PLEKHG7: variants seen among roughly 807,000 people sequenced by gnomAD.
The protein encoded by PLEKHG7 is pleckstrin homology domain-containing family G member 7.
Under a neutral mutation model 85.2 loss-of-function variants are expected in PLEKHG7, and 77 were observed. That is an observed-to-expected ratio of 0.90 (90% CI 0.75 to 1.09). The LOEUF (loss-of-function observed/expected upper bound fraction) is 1.09. PLEKHG7 is among the 50% of genes least tolerant of loss of function. The pLI, the probability that PLEKHG7 is intolerant of heterozygous loss-of-function variation, is 0.00. For synonymous variants in PLEKHG7, 301 were observed against 302.4 expected (o/e 1.00, Z 0.05); for missense variants, 777 against 804.3 (o/e 0.97, Z 0.41).
rs774960944 is a variant in PLEKHG7, at chr12:92,740,928, A to T, written c.1015A>T (p.Asn339Tyr). Residue 339 changes from asparagine to tyrosine, a missense_variant, in exon 8 of 17, where the codon AAC (asparagine) becomes TAC (tyrosine). Asn to Tyr is a moderately radical substitution (Grantham distance 143). Transcript: ENST00000344636. ...TGTGGATTTATGGAGACTTTTTGCA[A>T]ACCTGGAGGAGTTAACTCAGGTGAG... ...LDVDLWRLFA[N>Y]LEELTQTSLG... 3 of 1,611,024 alleles carry T rather than the reference A, an allele frequency of 1.9e-6. No homozygotes were observed. The highest frequency in any genetic ancestry group is 1.7e-5 in the Admixed American group (1 of 59,984).
rs748690347 is a variant in PLEKHG7, at chr12:92,768,209, GA to G, written c.1871-761del. On this transcript the variant is annotated intron_variant, in intron 15 of 16. Coordinates refer to ENST00000344636, the MANE Select transcript of PLEKHG7 (RefSeq NM_001377329.1). ...GCGACAGTGAGAGACTTCGTCTCAAGAAAAAAAAAAAAAGAGAGAAAAAAGA... is the reference window on the plus strand; with the variant it reads ...GCGACAGTGAGAGACTTCGTCTCAAGAAAAAAAAAAAAGAGAGAAAAAAGA... Among the ~76,000 whole-genome samples, 453 of 126,464 alleles carry G rather than the reference GA, an allele frequency of 3.6e-3. 1 individual carries two copies. The highest frequency in any genetic ancestry group is 8.8e-3 in the African/African-American group (302 of 34,348). 83.0% of individuals were successfully genotyped at this position (126,464 alleles called of 152,430 possible). A position where few individuals can be genotyped will look rare whatever the true frequency, so the allele number is the denominator to read the frequency against.
At chr12:92,737,654 A>G in intron 7 of PLEKHG7, 133 bp downstream of exon 7, 1 of 918,004 alleles carries the variant, frequency 1.1e-6, no homozygotes. Context: ...GACAAAGAGA[A>G]AGAAAGGAAG....
Position 92,751,069 on chromosome 12 carries a change from A to G in PLEKHG7, c.1252-3021A>G, listed in dbSNP as rs1872679014. On this transcript the variant is annotated intron_variant, in intron 10 of 16. Coordinates refer to ENST00000344636, the MANE Select transcript of PLEKHG7 (RefSeq NM_001377329.1). The stretch of plus-strand genomic sequence containing the variant: ...GTGGTATGAAGGGTAAATTTATCCC[A>G]CTGCATTTATAGGTCGATTTCAGGC... Among the ~76,000 whole-genome samples, 3 of 152,248 alleles carry G rather than the reference A, an allele frequency of 2.0e-5. No individual in the cohort carries two copies. In the South Asian group the frequency reaches 6.2e-4, roughly 32 times the overall value.
At chr12:92,722,325 G>A (rs577476779) in intron 3 of PLEKHG7, among the ~76,000 whole-genome samples, 1 of 152,276 alleles carries the variant, frequency 6.6e-6, no homozygotes, top group East Asian at 1.9e-4. Context: ...GTCTCTTCAT[G>A]TTACTGGTGC....
chr12:92,754,286 G>A (rs768406286), intron 11 of PLEKHG7, 22 bp downstream of exon 11: 7 of 1,608,664 alleles, frequency 4.4e-6, no homozygotes, highest in Non-Finnish European at 6.0e-6. Context: ...AGATAAGTGA[G>A]CTTAATTACA....
chr12:92,706,797 A>C lies in PLEKHG7; in HGVS notation c.166A>C (p.Thr56Pro). 6.2e-7 allele frequency: 1 copy of C among 1,613,914 alleles called. No homozygotes were observed. The highest frequency in any genetic ancestry group is 8.5e-7 in the Non-Finnish European group (1 of 1,179,996). The change falls in exon 2 of 17, where the codon ACC becomes CCC. Residue 56 changes from threonine to proline, a missense_variant. Coordinates refer to ENST00000344636, the MANE Select transcript of PLEKHG7 (RefSeq NM_001377329.1). ...STSPTLRRLR[T>P]RGCGTRQDAW... Reference sequence around the variant, plus strand: ...CTCGCCCACTTTGAGGAGATTAAGGACCCGTGGCTGTGGGACAAGGCAGGA... The same window carrying C: ...CTCGCCCACTTTGAGGAGATTAAGGCCCCGTGGCTGTGGGACAAGGCAGGA...
chr12:92,753,664 C>T (rs1443535694), intron 10 of PLEKHG7, among the ~76,000 whole-genome samples: 1 of 152,088 alleles, frequency 6.6e-6, no homozygotes, highest in Non-Finnish European at 1.5e-5. Flanking sequence ...CCTGATCCTC[C>T]CCAACTAAGA....
At chr12:92,710,979 C>A (rs1871357629) in intron 3 of PLEKHG7, among the ~76,000 whole-genome samples, 1 of 152,202 alleles carries the variant, frequency 6.6e-6, no homozygotes, top group Non-Finnish European at 1.5e-5. Flanking sequence ...AGAGGTCTAT[C>A]CACATACCCC....
In PLEKHG7 at chr12:92,740,880, C is replaced by G. The variant is rs781390858; in HGVS notation, c.967C>G (p.Gln323Glu). 2 of 1,610,032 alleles carry G rather than the reference C, an allele frequency of 1.2e-6. No homozygotes were observed. The highest frequency in any genetic ancestry group is 2.7e-5 in the African/African-American group (2 of 74,846). ...CTTTATGAATACACTAAGATATCTGCAAACTCATGAATATCTCCTAGATGT... is the reference window on the plus strand; with the variant it reads ...CTTTATGAATACACTAAGATATCTGGAAACTCATGAATATCTCCTAGATGT... ...MIFMNTLRYL[Q>E]THEYLLDVDL... Residue 323 changes from glutamine (Q) to glutamate (E), a missense_variant, in exon 8 of 17, where the codon CAA becomes GAA. Physicochemically the swap from Gln to Glu is conservative, Grantham distance 29. This residue lies in a region of PLEKHG7 where 520 missense variants were observed against 544.0 expected (regional missense o/e 0.96). Coordinates refer to ENST00000344636, the MANE Select transcript of PLEKHG7 (RefSeq NM_001377329.1).
At chr12:92,766,671 T>C (rs1362956927) in intron 15 of PLEKHG7, among the ~76,000 whole-genome samples, 8 of 151,028 alleles carry the variant, frequency 5.3e-5, no homozygotes, top group Non-Finnish European at 1.2e-4. Context: ...GGTGAAAAAA[T>C]ACAAAAAAAA....
At chr12:92,721,693 G>A in intron 3 of PLEKHG7, among the ~76,000 whole-genome samples, 1 of 33,978 alleles carries the variant, frequency 2.9e-5, no homozygotes, top group Non-Finnish European at 5.1e-5. Flanking sequence ...GAATAGCCAA[G>A]CATAAAACCA....
chr12:92,732,581 C>T (rs866973283), intron 5 of PLEKHG7, among the ~76,000 whole-genome samples: 1 of 152,158 alleles, frequency 6.6e-6, no homozygotes, highest in African/African-American at 2.4e-5. Context: ...GCAGCTCACT[C>T]GATGAAGCAA....
chr12:92,765,622 T>G (rs1022321436), intron 15 of PLEKHG7, among the ~76,000 whole-genome samples: 4 of 129,982 alleles, frequency 3.1e-5, no homozygotes, highest in African/African-American at 5.8e-5. Context: ...AGAGTGAAAC[T>G]CCATCTCAAA....
chr12:92,731,024 G>A (rs577734977), intron 4 of PLEKHG7, among the ~76,000 whole-genome samples: 1 of 152,260 alleles, frequency 6.6e-6, no homozygotes, highest in East Asian at 1.9e-4. Context: ...AAAGATTCTG[G>A]CTTAGCAAAA....
At chr12:92,716,889 A>C (rs1027898318) in intron 3 of PLEKHG7, among the ~76,000 whole-genome samples, 2 of 152,244 alleles carry the variant, frequency 1.3e-5, no homozygotes, top group African/African-American at 4.8e-5. Flanking sequence ...GATGAATGGA[A>C]GAAGGAAGAC....
At chr12:92,731,217 G>T (rs1046308959) in intron 4 of PLEKHG7, among the ~76,000 whole-genome samples, 5 of 152,180 alleles carry the variant, frequency 3.3e-5, no homozygotes, top group African/African-American at 1.2e-4. Flanking sequence ...TGCCAGGCAT[G>T]TGAAATCTAA....
At chr12:92,734,958 G>A (rs1050408136) in intron 5 of PLEKHG7, among the ~76,000 whole-genome samples, 1 of 152,178 alleles carries the variant, frequency 6.6e-6, no homozygotes, top group African/African-American at 2.4e-5. Context: ...GAGGCAAGAA[G>A]GTACTAAATG....
rs1378626328 is a variant in PLEKHG7, at chr12:92,703,137, T to C, written c.-162+5T>C. 3 of 152,336 alleles carry C rather than the reference T, an allele frequency of 2.0e-5. No individual in the cohort carries two copies. Among genetic ancestry groups the C allele is most frequent in the African/African-American group, 7.2e-5 (3 of 41,460 alleles). The allele number at this position is 152,336 out of a possible 1,614,324, so 9.4% of individuals were successfully genotyped here. ...CAGGGACAGACCATCTTACAGGTATTAAAGGCAACATTCAGCTGCTTTCTG... is the reference window on the plus strand; with the variant it reads ...CAGGGACAGACCATCTTACAGGTATCAAAGGCAACATTCAGCTGCTTTCTG... On this transcript the variant is annotated splice_donor_5th_base_variant and intron_variant, in intron 1 of 16. Transcript: ENST00000344636.
At chr12:92,751,787 T>C (rs1471414114) in intron 10 of PLEKHG7, among the ~76,000 whole-genome samples, 1 of 151,538 alleles carries the variant, frequency 6.6e-6, no homozygotes. Flanking sequence ...CTTTGGGAGG[T>C]GTGCAGATTG....
Sources: gnomAD v4.1 joint callset for allele counts (sites outside exome capture counted in the v4.1 genomes callset) on GRCh38, gnomAD v4.1.1 for gene constraint, gnomAD v4.1.1 regional missense constraint, MANE v1.5 for transcripts, NCBI Gene and HGNC (gene_info 2026-07-23, HGNC 2026-07-21) for gene names.